The following TDRD12 variants were observed in gnomAD, a reference collection of about 807,000 sequenced individuals.
TDRD12 encodes putative ATP-dependent RNA helicase TDRD12.
Under a neutral mutation model 133.5 loss-of-function variants are expected in TDRD12, and 158 were observed. The observed-to-expected ratio is 1.18, with a 90% CI of 1.04 to 1.35. TDRD12 has a LOEUF of 1.35. Among genes scored for constraint, TDRD12 ranks in the 40% most tolerant of loss-of-function variants. The probability of loss-of-function intolerance (pLI) is 0.00; values close to 1 mark genes in which losing one functional copy is unlikely to be tolerated. For synonymous variants in TDRD12, 460 were observed against 477.9 expected, an observed-to-expected ratio of 0.96 and a Z score of 0.49; for missense variants, 1,443 against 1,321.3, an observed-to-expected ratio of 1.09 and a Z score of -1.43.
chr19:32,748,160 T>A (rs1361142144), intron 4 of TDRD12, among the ~76,000 whole-genome samples: 1 of 152,128 alleles, frequency 6.6e-6, no homozygotes, highest in Non-Finnish European at 1.5e-5. Flanking sequence ...GGAGCTTGTG[T>A]TCTGGTTGAG....
In TDRD12 at chr19:32,826,752, A is replaced by C; in HGVS notation, c.1049+154A>C. 1 of 1,232,044 alleles carries C rather than the reference A, an allele frequency of 8.1e-7. No homozygotes were observed. The highest frequency in any genetic ancestry group is 1.0e-6 in the Non-Finnish European group (1 of 987,896). 76.3% of individuals were successfully genotyped at this position (1,232,044 alleles called of 1,614,324 possible). ...AGAGGACAGCCACTTCCCCAAGGGT[A>C]AGGCATAGAGCGCCCACTCTCCGAG... is the stretch of plus-strand genomic sequence containing the variant. On this transcript the variant is annotated intron_variant, in intron 9 of 9. Coordinates refer to the TDRD12 transcript ENST00000637289.
intron 3 of TDRD12, among the ~76,000 whole-genome samples, chr19:32,739,843 G>A (rs1231369338): frequency 7.6e-6 from 1 of 131,824 alleles, no homozygotes; most frequent in Non-Finnish European, 1.6e-5. Flanking sequence ...GGCACTCTCT[G>A]CATCTCCTGG....
chr19:32,799,099 G>T (rs1971312389), intron 16 of TDRD12, among the ~76,000 whole-genome samples: 1 of 152,204 alleles, frequency 6.6e-6, no homozygotes, highest in South Asian at 2.1e-4. Context: ...CCTAGGAAGG[G>T]ATTCATGGGT....
chr19:32,816,368 G>A (rs1230951909), intron 26 of TDRD12, among the ~76,000 whole-genome samples: 3 of 152,154 alleles, frequency 2.0e-5, no homozygotes, highest in Admixed American at 6.5e-5. Context: ...GAAAAGCAGG[G>A]ATGGTTTTCC....
At chr19:32,822,767 G>T (rs1231464462), downstream of TDRD12, among the ~76,000 whole-genome samples, 1 of 147,530 alleles carries the variant, frequency 6.8e-6, no homozygotes, top group Admixed American at 6.7e-5. Flanking sequence ...AGATAAATGG[G>T]ACAAAACCCA....
chr19:32,788,906 G>A (rs1359995894), intron 11 of TDRD12, among the ~76,000 whole-genome samples: 1 of 152,196 alleles, frequency 6.6e-6, no homozygotes, highest in African/African-American at 2.4e-5. Context: ...TGTCCTGGGA[G>A]CTGAGTGGGA....
intron 14 of TDRD12, among the ~76,000 whole-genome samples, chr19:32,797,407 G>T (rs2145684793): frequency 6.6e-6 from 1 of 152,298 alleles, no homozygotes; most frequent in East Asian, 1.9e-4. Flanking sequence ...TATTAGCTGT[G>T]CAGCCTTGGG....
At chr19:32,740,519 C>T (rs909448890) in intron 3 of TDRD12, among the ~76,000 whole-genome samples, 4 of 151,958 alleles carry the variant, frequency 2.6e-5, no homozygotes, top group Non-Finnish European at 5.9e-5. Context: ...CCTGCGTTCT[C>T]TGCATTTCCT....
intron 10 of TDRD12, among the ~76,000 whole-genome samples, chr19:32,775,904 C>T (rs930401245): frequency 1.3e-5 from 2 of 152,158 alleles, no homozygotes; most frequent in Non-Finnish European, 2.9e-5. Context: ...ATTCTGGTTT[C>T]TGTTAACATT....
intron 8 of TDRD12, among the ~76,000 whole-genome samples, chr19:32,767,100 A>T (rs751978778): frequency 3.7e-5 from 2 of 54,478 alleles, no homozygotes; most frequent in Admixed American, 3.0e-4. Flanking sequence ...CATTTTATTT[A>T]TTTATTTATT....
intron 8 of TDRD12, among the ~76,000 whole-genome samples, chr19:32,761,250 G>T (rs1383185552): frequency 2.6e-5 from 4 of 152,010 alleles, no homozygotes; most frequent in African/African-American, 9.7e-5. Flanking sequence ...CAAGTAGCTG[G>T]GACTACAGGC....
chr19:32,813,783 A>G lies in TDRD12; in HGVS notation c.3141+7A>G, dbSNP rs1376017996. 6.7e-7 allele frequency: 1 copy of G among 1,497,568 alleles called. No homozygotes were observed. The highest frequency in any genetic ancestry group is 2.5e-5 in the East Asian group (1 of 40,528). The allele number at this position is 1,497,568 out of a possible 1,614,324, so 92.8% of individuals were successfully genotyped here. On this transcript the variant is annotated splice_region_variant and intron_variant, in intron 25 of 27. Coordinates refer to ENST00000444215, the Ensembl canonical transcript of TDRD12. ...AGTTTGGATTGATCCAATGGTAAGT[A>G]CGCATTTTTTCTTAGAAATAAATTT...
At chr19:32,797,735 C>T in exon 15 of TDRD12, 2 of 669,434 alleles carry the variant, frequency 3.0e-6, no homozygotes, top group Non-Finnish European at 2.7e-6. Flanking sequence ...GTCTTCGCAG[C>T]CTCTCGCAGT....
chr19:32,793,018 T>A (rs1971116301), intron 13 of TDRD12, among the ~76,000 whole-genome samples: 1 of 152,116 alleles, frequency 6.6e-6, no homozygotes, highest in African/African-American at 2.4e-5. Flanking sequence ...AAATCCTGTC[T>A]CTACTAAAAT....
At chr19:32,719,790 G>C (rs1044286754) in exon 1 of TDRD12, 25 of 541,878 alleles carry the variant, frequency 4.6e-5, no homozygotes, top group Non-Finnish European at 7.3e-5. Flanking sequence ...GCGGGCATCC[G>C]GTGGGTGCGG....
intron 11 of TDRD12, among the ~76,000 whole-genome samples, chr19:32,787,713 C>T (rs954389507): frequency 1.3e-5 from 2 of 152,206 alleles, no homozygotes; most frequent in African/African-American, 4.8e-5. Flanking sequence ...GTGCTAGCAT[C>T]GAGCAAGGAT....
At chr19:32,731,776 T>G (rs1418317679) in exon 2 of TDRD12, 2 of 1,551,260 alleles carry the variant, frequency 1.3e-6, no homozygotes, top group Non-Finnish European at 1.7e-6. Context: ...TAGTCCCTTT[T>G]TAGATCATGA....
At position 32,751,541 on chromosome 19, in the gene TDRD12, C is replaced by T. The variant is rs115598926; in HGVS notation, c.582+1672C>T. Among the ~76,000 whole-genome samples, 472 of 151,396 alleles carry T rather than the reference C, an allele frequency of 3.1e-3. 2 individuals carry two copies. The highest frequency in any genetic ancestry group is 0.011 in the African/African-American group (434 of 41,280). On this transcript the variant is annotated intron_variant, in intron 6 of 27. Transcript: ENST00000444215. ...TCATCTTTCCCTCTACATTTTTCTC[C>T]TCTCCTCTCCTCTCCCTTCCCTTCC...
chr19:32,728,905 C>T (rs1968950414), intron 1 of TDRD12, among the ~76,000 whole-genome samples: 1 of 151,314 alleles, frequency 6.6e-6, no homozygotes, highest in South Asian at 2.1e-4. Context: ...TCTCGGCCTC[C>T]CAAAGTGCTG....
Sources: gnomAD v4.1 joint callset for allele counts (sites outside exome capture counted in the v4.1 genomes callset) on GRCh38, gnomAD v4.1.1 for gene constraint, MANE v1.5 for transcripts, NCBI Gene and HGNC (gene_info 2026-07-23, HGNC 2026-07-21) for gene names.